Variants in LPP observed in about 807,000 individuals in gnomAD.
LPP encodes lipoma-preferred partner.
A neutral mutation model predicts 60.4 loss-of-function variants in LPP; 38 were observed. The ratio of observed to expected loss-of-function variants is 0.63; its 90% CI spans 0.49 to 0.83. The LOEUF is 0.83. Ranked by LOEUF, LPP falls within the 40% of genes least tolerant of loss-of-function variation. LPP has a pLI of 0.00. For synonymous variants in LPP, 328 were observed against 290.8 expected (o/e 1.13, Z -1.30); for missense variants, 902 against 783.6 (o/e 1.15, Z -1.80).
At chr3:188,784,172 A>G (rs1740791674) in intron 9 of LPP, among the ~76,000 whole-genome samples, 1 of 151,438 alleles carries the variant, frequency 6.6e-6, no homozygotes, top group South Asian at 2.1e-4. Flanking sequence ...AGAAAATATG[A>G]TATTTGGTTT....
intron 5 of LPP, among the ~76,000 whole-genome samples, chr3:188,499,052 T>A (rs930339670): frequency 6.6e-6 from 1 of 152,200 alleles, no homozygotes; most frequent in African/African-American, 2.4e-5. Flanking sequence ...TGAATATTAA[T>A]CCCTTATCAG....
intron 6 of LPP, among the ~76,000 whole-genome samples, chr3:188,540,322 T>C (rs1824814631): frequency 6.6e-6 from 1 of 152,222 alleles, no homozygotes; most frequent in Non-Finnish European, 1.5e-5. Flanking sequence ...GTTATTTCAC[T>C]ATAGAAAATT....
chr3:188,533,872 T>A (rs1248619444), intron 6 of LPP, among the ~76,000 whole-genome samples: 1 of 152,218 alleles, frequency 6.6e-6, no homozygotes, highest in East Asian at 1.9e-4. Flanking sequence ...AGATGGTATA[T>A]AATTGCATTT....
chr3:188,738,535 G>A (rs1723301697), intron 8 of LPP, among the ~76,000 whole-genome samples: 1 of 152,104 alleles, frequency 6.6e-6, no homozygotes, highest in African/African-American at 2.4e-5. Flanking sequence ...TACCCTAGTG[G>A]TAAACTTAAA....
At chr3:188,381,311 C>T (rs1340749368) in intron 3 of LPP, among the ~76,000 whole-genome samples, 2 of 152,070 alleles carry the variant, frequency 1.3e-5, no homozygotes, top group Non-Finnish European at 2.9e-5. Flanking sequence ...CCTTCTTACC[C>T]CTTCTCTTCT....
intron 3 of LPP, among the ~76,000 whole-genome samples, chr3:188,346,670 A>T (rs904351260): frequency 2.6e-5 from 4 of 152,224 alleles, no homozygotes; most frequent in Non-Finnish European, 4.4e-5. Flanking sequence ...TCAGAAACTC[A>T]GATGAATTTA....
At chr3:188,403,934 G>C (rs1216906017) in intron 3 of LPP, among the ~76,000 whole-genome samples, 1 of 151,990 alleles carries the variant, frequency 6.6e-6, no homozygotes, top group Admixed American at 6.6e-5. Context: ...AGGTACGGGG[G>C]AAAGAAAAAG....
At chr3:188,765,362 C>T (rs2150565615) in intron 9 of LPP, among the ~76,000 whole-genome samples, 1 of 151,116 alleles carries the variant, frequency 6.6e-6, no homozygotes, top group Non-Finnish European at 1.5e-5. Context: ...GTTACATCAT[C>T]ATTTCACCAG....
intron 3 of LPP, among the ~76,000 whole-genome samples, chr3:188,345,784 T>C (rs780135145): frequency 5.9e-5 from 9 of 152,100 alleles, no homozygotes; most frequent in Non-Finnish European, 1.0e-4. Flanking sequence ...GTGTAGTAAT[T>C]GTTACCCATC....
intron 5 of LPP, among the ~76,000 whole-genome samples, chr3:188,516,900 G>T (rs918840159): frequency 3.9e-5 from 6 of 152,100 alleles, no homozygotes; most frequent in African/African-American, 9.7e-5. Context: ...ATCTAGGATT[G>T]TGTTCTTTAT....
At position 188,722,048 on chromosome 3, in the gene LPP, A is replaced by T. The variant is rs116457869; in HGVS notation, c.1240+13655A>T. On this transcript the variant is annotated intron_variant, in intron 8 of 11. Transcript: ENST00000617246. Reference sequence around the variant, plus strand: ...AAAATTTCAGTGCTGCTTGCCTCAGAGTTCTGGAGAATTGTAAACAAACCC... The same window carrying T: ...AAAATTTCAGTGCTGCTTGCCTCAGTGTTCTGGAGAATTGTAAACAAACCC... Among the ~76,000 whole-genome samples the T allele has an allele frequency of 2.9e-3, 444 of 152,282 alleles. 3 individuals are homozygous for T. The highest frequency in any genetic ancestry group is 0.011 in the African/African-American group (437 of 41,558).
intron 9 of LPP, among the ~76,000 whole-genome samples, chr3:188,773,658 G>A (rs564912198): frequency 1.3e-5 from 2 of 152,320 alleles, no homozygotes; most frequent in East Asian, 3.9e-4. Flanking sequence ...GGACGTGTTA[G>A]TAAAAATAAA....
At chr3:188,533,549 T>C (rs1251718526) in intron 6 of LPP, among the ~76,000 whole-genome samples, 2 of 152,246 alleles carry the variant, frequency 1.3e-5, no homozygotes. Flanking sequence ...GATTTGTCTA[T>C]GTATTGGCAT....
chr3:188,608,260 A>G lies in LPP; in HGVS notation c.430-901A>G, dbSNP rs992196941. ...TTTATGTCACTATTCTTCATGACCA[A>G]TTGTCACAAAACTTTTCCTCTATGT... is the stretch of plus-strand genomic sequence containing the variant. On this transcript the variant is annotated intron_variant, in intron 6 of 11. Transcript: ENST00000617246. Among the ~76,000 whole-genome samples the G allele has an allele frequency of 3.9e-5, 6 of 152,276 alleles. No individual in the cohort carries two copies. In the East Asian group the frequency reaches 7.7e-4, roughly 20 times the overall value.
chr3:188,203,841 C>G (rs1732388328), intron 1 of LPP, among the ~76,000 whole-genome samples: 1 of 151,064 alleles, frequency 6.6e-6, no homozygotes, highest in Non-Finnish European at 1.5e-5. Context: ...GCTTTGGTGC[C>G]AAAGGCTTGC....
intron 3 of LPP, among the ~76,000 whole-genome samples, chr3:188,385,850 T>C (rs74748433): frequency 0.034 from 5,241 of 152,248 alleles, 302 homozygotes; most frequent in African/African-American, 0.12. Flanking sequence ...TAGAAATATG[T>C]GAGAAGAAAA....
intron 6 of LPP, among the ~76,000 whole-genome samples, chr3:188,541,639 G>A (rs1243245777): frequency 6.6e-6 from 1 of 152,004 alleles, no homozygotes; most frequent in African/African-American, 2.4e-5. Flanking sequence ...AAATATGCCT[G>A]TAATCCCAGC....
chr3:188,343,823 A>G (rs1763652650), intron 3 of LPP, among the ~76,000 whole-genome samples: 1 of 152,214 alleles, frequency 6.6e-6, no homozygotes. Flanking sequence ...GTAGAAATTT[A>G]AAATAATCCT....
At chr3:188,554,048 A>G (rs1157919777) in intron 6 of LPP, 2 of 152,204 alleles carry the variant, frequency 1.3e-5, no homozygotes, top group African/African-American at 4.8e-5. Flanking sequence ...AAAACAATGT[A>G]TCACATCCCA....
Sources: gnomAD v4.1 joint callset for allele counts (sites outside exome capture counted in the v4.1 genomes callset) on GRCh38, gnomAD v4.1.1 for gene constraint, MANE v1.5 for transcripts, NCBI Gene and HGNC (gene_info 2026-07-23, HGNC 2026-07-21) for gene names.